THSD4: variants seen among roughly 807,000 people sequenced by gnomAD.
THSD4 encodes thrombospondin type 1 domain containing 4.
A neutral mutation model predicts 119.0 loss-of-function variants in THSD4; 69 were observed. The observed-to-expected ratio is 0.58, with a 90% CI of 0.48 to 0.71. The LOEUF is 0.71. THSD4 is among the 30% of genes least tolerant of loss of function. The pLI, the probability that THSD4 is intolerant of heterozygous loss-of-function variation, is 0.00. For missense variants in THSD4, 1,393 were observed against 1,391.1 expected, an observed-to-expected ratio of 1.00 and a Z score of -0.02; for synonymous variants, 524 against 540.4, an observed-to-expected ratio of 0.97 and a Z score of 0.42.
At chr15:71,693,026 T>G (rs1307278423) in intron 8 of THSD4, among the ~76,000 whole-genome samples, 1 of 152,022 alleles carries the variant, frequency 6.6e-6, no homozygotes, top group Non-Finnish European at 1.5e-5. Context: ...TAAAAAGGTC[T>G]CAAATTTCTT....
intron 7 of THSD4, among the ~76,000 whole-genome samples, chr15:71,479,882 T>C (rs2047704561): frequency 6.6e-6 from 1 of 152,236 alleles, no homozygotes; most frequent in African/African-American, 2.4e-5. Context: ...AGTGAACATA[T>C]TTATATTCTT....
intron 7 of THSD4, among the ~76,000 whole-genome samples, chr15:71,466,140 G>T (rs187760670): frequency 6.6e-6 from 1 of 152,118 alleles, no homozygotes; most frequent in East Asian, 1.9e-4. Flanking sequence ...ACGAGGTCAG[G>T]AGATCAAGAC....
intron 6 of THSD4, among the ~76,000 whole-genome samples, chr15:71,358,103 G>A (rs1168122468): frequency 6.6e-6 from 1 of 152,170 alleles, no homozygotes; most frequent in East Asian, 1.9e-4. Flanking sequence ...CCAGACAAGT[G>A]CCTGTAGCAC....
chr15:71,159,738 C>T (rs1466723297), intron 3 of THSD4, among the ~76,000 whole-genome samples: 1 of 151,998 alleles, frequency 6.6e-6, no homozygotes, highest in Non-Finnish European at 1.5e-5. Context: ...CATACAGGGA[C>T]AATATGATTT....
At chr15:71,674,498 T>G in intron 8 of THSD4, among the ~76,000 whole-genome samples, 1 of 152,196 alleles carries the variant, frequency 6.6e-6, no homozygotes, top group South Asian at 2.1e-4. Flanking sequence ...GGCTGCACAT[T>G]GCACTCATGG....
intron 6 of THSD4, among the ~76,000 whole-genome samples, chr15:71,332,561 T>G (rs57451534): frequency 0.022 from 3,296 of 152,242 alleles, 119 homozygotes; most frequent in African/African-American, 0.076. Flanking sequence ...GGAAGTCAGG[T>G]ACCCAAGGTC....
intron 17 of THSD4, among the ~76,000 whole-genome samples, chr15:71,772,257 T>TAG (rs1567145872): frequency 6.6e-6 from 1 of 152,164 alleles, no homozygotes; most frequent in Non-Finnish European, 1.5e-5. Context: ...ATCCTTCCTA[T>TAG]CCCAGGGAAG....
In THSD4 at chr15:71,479,202, T is replaced by G. The variant is rs916127295; in HGVS notation, c.1152+67379T>G. Among the ~76,000 whole-genome samples the G allele has an allele frequency of 1.0e-3, 76 of 75,012 alleles. 1 individual carries two copies. Among genetic ancestry groups the G allele is most frequent in the East Asian group, 1.5e-3 (4 of 2,690 alleles). The allele number at this position is 75,012 out of a possible 152,430, so 49.2% of individuals were successfully genotyped here. On this transcript the variant is annotated intron_variant, in intron 7 of 17. Transcript: ENST00000261862. ...TGCCTTTTTTTTTTTTTTTTTTTTTTGTCAGGTGTTTTCAATGACTCCCCT... is the reference window on the plus strand; with the variant it reads ...TGCCTTTTTTTTTTTTTTTTTTTTTGGTCAGGTGTTTTCAATGACTCCCCT...
intron 7 of THSD4, among the ~76,000 whole-genome samples, chr15:71,514,097 G>A (rs2048320698): frequency 1.3e-5 from 2 of 152,178 alleles, no homozygotes; most frequent in African/African-American, 4.8e-5. Flanking sequence ...CTTGAACTCA[G>A]GCCAACAGAT....
At chr15:71,534,689 A>G (rs2048665319) in intron 7 of THSD4, among the ~76,000 whole-genome samples, 1 of 152,218 alleles carries the variant, frequency 6.6e-6, no homozygotes, top group Admixed American at 6.5e-5. Context: ...ACAGCATATT[A>G]AGATACAATT....
At chr15:71,477,307 AAGCTCCG>A (rs2047668186) in intron 7 of THSD4, among the ~76,000 whole-genome samples, 1 of 152,146 alleles carries the variant, frequency 6.6e-6, no homozygotes, top group East Asian at 1.9e-4. Flanking sequence ...ACTGCTAGTA[AAGCTCCG>A]AGCATATGTG....
chr15:71,252,889 T>C (rs949981816), intron 5 of THSD4, among the ~76,000 whole-genome samples: 22 of 152,104 alleles, frequency 1.4e-4, no homozygotes, highest in African/African-American at 5.3e-4. Flanking sequence ...ATCATCATCA[T>C]CATCATCAGT....
chr15:71,322,733 G>A (rs1267614115), intron 6 of THSD4, among the ~76,000 whole-genome samples: 1 of 152,078 alleles, frequency 6.6e-6, no homozygotes, highest in East Asian at 1.9e-4. Context: ...CTCCACATGG[G>A]CCTCTCCACA....
At chr15:71,520,619 A>G (rs4128840) in intron 7 of THSD4, among the ~76,000 whole-genome samples, 84,013 of 152,096 alleles carry the variant, frequency 0.55, 23,542 homozygotes, top group Middle Eastern at 0.7. Flanking sequence ...AATAGATAAC[A>G]TTCATCATTC....
At chr15:71,125,799 G>A (rs77858704) in intron 1 of THSD4, among the ~76,000 whole-genome samples, 1 of 152,378 alleles carries the variant, frequency 6.6e-6, no homozygotes, top group Non-Finnish European at 1.5e-5. Flanking sequence ...AGCCCCGAAG[G>A]TGACTGTGGT....
chr15:71,145,174 TC>T (rs1160698316), intron 2 of THSD4, among the ~76,000 whole-genome samples: 6 of 152,200 alleles, frequency 3.9e-5, no homozygotes, highest in African/African-American at 1.4e-4. Flanking sequence ...AGGTGCTTCT[TC>T]CTTTACTTCA....
At position 71,419,085 on chromosome 15, in the gene THSD4, G is replaced by A. The variant is rs1224298868; in HGVS notation, c.1152+7262G>A. Among the ~76,000 whole-genome samples the A allele has an allele frequency of 1.9e-5, 2 of 107,710 alleles. 1 individual carries two copies. The highest frequency in any genetic ancestry group is 6.3e-5 in the African/African-American group (2 of 31,700). The allele number at this position is 107,710 out of a possible 152,430, so 70.7% of individuals were successfully genotyped here. ...TCTTTCTTAGTCTGGGTAAAGGTTT[G>A]TCCATTTTATCTTTTCAAAAACCAA... On this transcript the variant is annotated intron_variant, in intron 7 of 17. Transcript: ENST00000261862.
In THSD4 at chr15:71,553,035, CT is replaced by C. The variant is rs577329092; in HGVS notation, c.1153-107494del. Reference sequence around the variant, plus strand: ...TTCTTCTTTACCCTCATTCTCTCCCCTATCCTTCTTCCCTGCCAAGATGAAA... The same window carrying C: ...TTCTTCTTTACCCTCATTCTCTCCCCATCCTTCTTCCCTGCCAAGATGAAA... On this transcript the variant is annotated intron_variant, in intron 7 of 17. Transcript: ENST00000261862. 1.8e-3 allele frequency among the ~76,000 whole-genome samples: 276 copies of C among 152,320 alleles called. 2 individuals carry two copies. The highest frequency in any genetic ancestry group is 6.3e-3 in the African/African-American group (261 of 41,564).
intron 1 of THSD4, among the ~76,000 whole-genome samples, chr15:71,124,491 A>C (rs993994869): frequency 2.6e-5 from 4 of 152,184 alleles, no homozygotes; most frequent in African/African-American, 9.6e-5. Context: ...GTGAATGTTA[A>C]AATATCCTGA....
Sources: allele counts gnomAD v4.1 joint callset (sites outside exome capture counted in the v4.1 genomes callset), GRCh38; gene constraint gnomAD v4.1.1; transcripts MANE v1.5; gene names NCBI Gene and HGNC (gene_info 2026-07-23, HGNC 2026-07-21).